Variants in ASXL3 observed in about 807,000 individuals in gnomAD.
ASXL3 encodes ASXL transcriptional regulator 3, also known as putative Polycomb group protein ASXL3.
Under a neutral mutation model 170.6 loss-of-function variants are expected in ASXL3, and 34 were observed. The ratio of observed to expected loss-of-function variants is 0.20; its 90% CI spans 0.15 to 0.27. The LOEUF (loss-of-function observed/expected upper bound fraction) is 0.27. ASXL3 is among the 10% of genes least tolerant of loss of function. The pLI, the probability that ASXL3 is intolerant of heterozygous loss-of-function variation, is 1.00. For synonymous variants in ASXL3, 1,002 were observed against 989.1 expected, an observed-to-expected ratio of 1.01 and a Z score of -0.24; for missense variants, 2,592 against 2,695.3, an observed-to-expected ratio of 0.96 and a Z score of 0.85.
At chr18:33,700,424 G>T (rs2145324437) in intron 8 of ASXL3, among the ~76,000 whole-genome samples, 1 of 151,878 alleles carries the variant, frequency 6.6e-6, no homozygotes, top group African/African-American at 2.4e-5. Flanking sequence ...AAAATCTAGG[G>T]CATTCCTGCC....
At chr18:33,691,592 T>C (rs753267827) in intron 8 of ASXL3, among the ~76,000 whole-genome samples, 1 of 152,232 alleles carries the variant, frequency 6.6e-6, no homozygotes, top group African/African-American at 2.4e-5. Context: ...TCTGATGATG[T>C]AACTGCTAAT....
rs1293472771 is a variant in ASXL3 at position 33,740,005 on chromosome 18, C to T, written c.2601C>T (p.Ser867=). 12 of 1,613,654 alleles carry T rather than the reference C, an allele frequency of 7.4e-6. No homozygotes were observed. Among genetic ancestry groups the T allele is most frequent in the South Asian group, 2.2e-5 (2 of 91,070 alleles). The change falls in exon 11 of 12, where the codon AGC becomes AGT. Residue 867 remains serine, a synonymous_variant. Coordinates refer to ENST00000269197, the MANE Select transcript of ASXL3 (RefSeq NM_030632.3). ...AAATGATAAAAGTTAAAAATCATAG[C>T]GTCCTGCAAAGAACAGAAAAAAAAG... ...STEMIKVKNH[S]VLQRTEKKVL...
At chr18:33,660,790 G>A (rs1441207315) in intron 4 of ASXL3, among the ~76,000 whole-genome samples, 1 of 152,118 alleles carries the variant, frequency 6.6e-6, no homozygotes, top group African/African-American at 2.4e-5. Flanking sequence ...CTCTCAGTTT[G>A]AGAAGGAGTC....
At chr18:33,666,097 C>T (rs750355908) in intron 5 of ASXL3, among the ~76,000 whole-genome samples, 10 of 152,054 alleles carry the variant, frequency 6.6e-5, no homozygotes, top group African/African-American at 1.7e-4. Context: ...TACATATGAC[C>T]GGCTTGAAGG....
rs2067208269 is a variant in ASXL3 at position 33,718,725 on chromosome 18, C to T, written c.880-13243C>T. Among the ~76,000 whole-genome samples the T allele has an allele frequency of 2.0e-5, 3 of 151,408 alleles. 1 individual carries two copies. The South Asian group carries it at 6.2e-4, about 31-fold the overall frequency. Reference sequence around the variant, plus strand: ...TTTCTTTTTTTTTTTCCTTCAAGGCCAGCAGGAGAATATTTCTGCCCCTTT... The same window carrying T: ...TTTCTTTTTTTTTTTCCTTCAAGGCTAGCAGGAGAATATTTCTGCCCCTTT... On this transcript the variant is annotated intron_variant, in intron 8 of 11. Coordinates refer to ENST00000269197, the MANE Select transcript of ASXL3 (RefSeq NM_030632.3).
At chr18:33,688,827 G>A (rs1293210429) in intron 8 of ASXL3, among the ~76,000 whole-genome samples, 1 of 152,096 alleles carries the variant, frequency 6.6e-6, no homozygotes, top group African/African-American at 2.4e-5. Context: ...GCCTGTATGT[G>A]GACTACTGTA....
At chr18:33,647,930 G>A (rs1347989216) in intron 4 of ASXL3, among the ~76,000 whole-genome samples, 2 of 151,978 alleles carry the variant, frequency 1.3e-5, no homozygotes, top group African/African-American at 4.8e-5. Flanking sequence ...GGCATTCAGG[G>A]GAGAGAACTC....
In ASXL3 at chr18:33,748,773, G is replaced by A. The variant is rs968504334; in HGVS notation, c.*2178G>A. ...CAAATTCATTCACTGCTATACCAGT[G>A]TCAGATACTGTCTACACCAGCAAAT... On this transcript the variant is annotated 3_prime_UTR_variant, in exon 12 of 12. Coordinates refer to ENST00000269197, the MANE Select transcript of ASXL3 (RefSeq NM_030632.3). The A allele has an allele frequency of 1.3e-5, 2 of 152,172 alleles. No homozygotes were observed. Among genetic ancestry groups the A allele is most frequent in the African/African-American group, 4.8e-5 (2 of 41,422 alleles). 9.4% of individuals were successfully genotyped at this position (152,172 alleles called of 1,614,324 possible).
intron 10 of ASXL3, among the ~76,000 whole-genome samples, chr18:33,737,267 T>C (rs1461559292): frequency 6.6e-6 from 1 of 152,172 alleles, no homozygotes; most frequent in Non-Finnish European, 1.5e-5. Flanking sequence ...ATTATTTCCC[T>C]TTCACATTGA....
rs1194688762 is a variant in ASXL3 at position 33,746,510 on chromosome 18, T to C, written c.6662T>C (p.Ile2221Thr). The C allele has an allele frequency of 1.2e-6, 2 of 1,613,950 alleles. No homozygotes were observed. Among genetic ancestry groups the C allele is most frequent in the Admixed American group, 1.7e-5 (1 of 60,036 alleles). Reference sequence around the variant, plus strand: ...TGCTCTTGCCGGCTGAAAGCCATGATTGTGTGCAAAGGCTGTGGGGCCTTC... The same window carrying C: ...TGCTCTTGCCGGCTGAAAGCCATGACTGTGTGCAAAGGCTGTGGGGCCTTC... Reference protein sequence around the residue: ...LKCSCRLKAMIVCKGCGAFCH... With the variant: ...LKCSCRLKAMTVCKGCGAFCH... The change falls in exon 12 of 12, where the codon ATT becomes ACT. Residue 2221 changes from isoleucine to threonine, a missense_variant. Ile to Thr is a moderately conservative substitution (Grantham distance 89). Coordinates refer to ENST00000269197, the MANE Select transcript of ASXL3 (RefSeq NM_030632.3).
intron 5 of ASXL3, among the ~76,000 whole-genome samples, chr18:33,662,117 A>G (rs1319208121): frequency 6.6e-6 from 1 of 152,198 alleles, no homozygotes; most frequent in Non-Finnish European, 1.5e-5. Context: ...ATGATAATTT[A>G]TTTCTTGTTA....
intron 4 of ASXL3, among the ~76,000 whole-genome samples, chr18:33,653,671 T>G (rs2066036633): frequency 6.6e-6 from 1 of 152,072 alleles, no homozygotes; most frequent in African/African-American, 2.4e-5. Flanking sequence ...GAAGCCCTGT[T>G]TCCTCTCTCC....
chr18:33,740,394 C>A lies in ASXL3; in HGVS notation c.2990C>A (p.Pro997His). Residue 997 changes from proline to histidine, a missense_variant, in exon 11 of 12, where the codon CCT (proline) becomes CAT (histidine). This residue lies in a region of ASXL3 where 2,246 missense variants were observed against 2,219.6 expected (regional missense o/e 1.01). Coordinates refer to ENST00000269197, the MANE Select transcript of ASXL3 (RefSeq NM_030632.3). ...STRNISSSSP[P>H]EKEQPPREEP... The stretch of plus-strand genomic sequence containing the variant: ...CGGAACATATCATCTAGCAGCCCAC[C>A]TGAGAAAGAACAGCCTCCCAGAGAG... The A allele has an allele frequency of 1.2e-6, 2 of 1,604,260 alleles. No homozygotes were observed. Among genetic ancestry groups the A allele is most frequent in the Non-Finnish European group, 1.7e-6 (2 of 1,176,738 alleles).
intron 1 of ASXL3, among the ~76,000 whole-genome samples, chr18:33,597,314 C>T (rs554343626): frequency 6.6e-6 from 1 of 152,040 alleles, no homozygotes; most frequent in Non-Finnish European, 1.5e-5. Context: ...TGCGTCCTCT[C>T]TATGTATTGT....
At chr18:33,584,947 T>G (rs2065024035) in intron 1 of ASXL3, among the ~76,000 whole-genome samples, 1 of 152,094 alleles carries the variant, frequency 6.6e-6, no homozygotes, top group South Asian at 2.1e-4. Context: ...TAACTTGTCA[T>G]TTTTTAAAAA....
rs935852563 is a variant in ASXL3, at chr18:33,661,695, A to G, written c.435A>G (p.Leu145=). The change falls in exon 5 of 12, where the codon TTA becomes TTG. Residue 145 remains leucine (L), a synonymous_variant. Coordinates refer to ENST00000269197, the MANE Select transcript of ASXL3 (RefSeq NM_030632.3). ...SLTNTAVQSK[L]VSSFQQHTKK... is the part of the protein sequence containing the mutation. Reference sequence around the variant, plus strand: ...CTAACACAGCAGTGCAAAGCAAGTTAGTGTCTTCCTTCCAGCAGCACACCA... The same window carrying G: ...CTAACACAGCAGTGCAAAGCAAGTTGGTGTCTTCCTTCCAGCAGCACACCA... 6.2e-7 allele frequency: 1 copy of G among 1,612,984 alleles called. No individual in the cohort carries two copies. Among genetic ancestry groups the G allele is most frequent in the East Asian group, 2.2e-5 (1 of 44,796 alleles).
chr18:33,602,762 T>C (rs2065197359), intron 1 of ASXL3, among the ~76,000 whole-genome samples: 1 of 150,874 alleles, frequency 6.6e-6, no homozygotes, highest in African/African-American at 2.4e-5. Flanking sequence ...TCAGAGAATG[T>C]TAATAATACT....
At chr18:33,663,186 C>T (rs1053938761) in intron 5 of ASXL3, among the ~76,000 whole-genome samples, 1 of 152,108 alleles carries the variant, frequency 6.6e-6, no homozygotes, top group Admixed American at 6.5e-5. Flanking sequence ...CTGGGCTACT[C>T]ATTCAGACAG....
intron 2 of ASXL3, among the ~76,000 whole-genome samples, chr18:33,615,959 A>G (rs555053997): frequency 1.6e-4 from 24 of 152,284 alleles, no homozygotes; most frequent in African/African-American, 5.1e-4. Context: ...TTTTCTGTAC[A>G]TATTTAATTA....
Sources: gnomAD v4.1 joint callset for allele counts (sites outside exome capture counted in the v4.1 genomes callset) on GRCh38, gnomAD v4.1.1 for gene constraint, gnomAD v4.1.1 regional missense constraint, MANE v1.5 for transcripts, NCBI Gene and HGNC (gene_info 2026-07-23, HGNC 2026-07-21) for gene names.